SPTBN2: variants seen among roughly 807,000 people sequenced by gnomAD.
SPTBN2 encodes spectrin beta chain, non-erythrocytic 2.
A neutral mutation model predicts 284.2 loss-of-function variants in SPTBN2; 107 were observed. The observed-to-expected ratio is 0.38, with a 90% CI of 0.32 to 0.44. The LOEUF (loss-of-function observed/expected upper bound fraction) is 0.44. Among genes scored for constraint, SPTBN2 ranks in the 20% least tolerant of loss-of-function variants. The probability of loss-of-function intolerance (pLI) is 1.00; values close to 1 mark genes in which losing one functional copy is unlikely to be tolerated. For synonymous variants in SPTBN2, 1,289 were observed against 1,354.8 expected (o/e 0.95, Z 1.07); for missense variants, 2,569 against 3,287.1 (o/e 0.78, Z 5.34).
intron 3 of SPTBN2, among the ~76,000 whole-genome samples, chr11:66,716,717 A>T (rs1017144185): frequency 6.6e-5 from 10 of 152,202 alleles, no homozygotes; most frequent in African/African-American, 2.4e-4. Flanking sequence ...GATAAGGTAT[A>T]TAAAACAACT....
rs761578326 is a variant in SPTBN2 at position 66,704,727 on chromosome 11, G to T, written c.2549C>A (p.Ala850Glu). ...RAGERARALE[A>E]ALALYTMLSE... ...GAGCATGGTGTAGAGCGCCAGGGCT[G>T]CCTCCAAGGCCCGCGCTCGCTCGCC... Residue 850 changes from alanine (A) to glutamate (E), a missense_variant, in exon 15 of 38, where the codon GCA (alanine) becomes GAA (glutamate). By Grantham distance (107) the Ala-to-Glu change is moderately radical. This residue lies in a region of SPTBN2 where 1,012 missense variants were observed against 1,248.9 expected (regional missense o/e 0.81). Transcript: ENST00000533211. The T allele has an allele frequency of 1.2e-6, 2 of 1,604,572 alleles. No individual in the cohort carries two copies. Among genetic ancestry groups the T allele is most frequent in the Non-Finnish European group, 8.5e-7 (1 of 1,176,482 alleles).
At chr11:66,738,351 C>A (rs917886929) in intron 1 of SPTBN2, among the ~76,000 whole-genome samples, 1 of 152,156 alleles carries the variant, frequency 6.6e-6, no homozygotes, top group South Asian at 2.1e-4. Flanking sequence ...AAACATAACA[C>A]CTAAAGAAAG....
chr11:66,730,801 G>T (rs1590996666), upstream of SPTBN2, among the ~76,000 whole-genome samples: 1 of 152,134 alleles, frequency 6.6e-6, no homozygotes, highest in African/African-American at 2.4e-5. Context: ...AAGAAGCCTT[G>T]TAAGATAAAC....
chr11:66,705,604 G>C, intron 14 of SPTBN2, 80 bp downstream of exon 14: 1 of 1,603,478 alleles, frequency 6.2e-7, no homozygotes, highest in Non-Finnish European at 8.5e-7. Flanking sequence ...CCGTCCCCAG[G>C]TTTCCCAACC....
At chr11:66,711,686 G>C (rs1941874060) in intron 8 of SPTBN2, among the ~76,000 whole-genome samples, 1 of 152,168 alleles carries the variant, frequency 6.6e-6, no homozygotes, top group African/African-American at 2.4e-5. Flanking sequence ...TATCCTAAAG[G>C]TAAGACTATG....
intron 1 of SPTBN2, chr11:66,744,510 A>C: frequency 5.3e-6 from 1 of 187,834 alleles, no homozygotes. Context: ...GAGAGGAGGG[A>C]GGAGTCGTGG....
chr11:66,723,656 G>C (rs775220321), intron 1 of SPTBN2, among the ~76,000 whole-genome samples: 6 of 152,120 alleles, frequency 3.9e-5, no homozygotes, highest in Non-Finnish European at 8.8e-5. Context: ...AGAAGGAAAG[G>C]GAGCTTAATT....
rs1298987750 is a variant in SPTBN2, at chr11:66,708,395, T to A, written c.1192-96A>T. 7.8e-7 allele frequency: 1 copy of A among 1,275,976 alleles called. No individual in the cohort carries two copies. Among genetic ancestry groups the A allele is most frequent in the Non-Finnish European group, 1.1e-6 (1 of 943,448 alleles). 79.0% of individuals were successfully genotyped at this position (1,275,976 alleles called of 1,614,324 possible). A position where few individuals can be genotyped will look rare whatever the true frequency, so the allele number is the denominator to read the frequency against. On this transcript the variant is annotated intron_variant, in intron 11 of 37. Coordinates refer to ENST00000533211, the MANE Select transcript of SPTBN2 (RefSeq NM_006946.4). The surrounding 1 kb of genome is among the most constrained non-coding windows in gnomAD (Gnocchi z 4.4). ...TAAGTCCCATGGAAGCTCGGTCTGGTGGATCCGTGGAATGCAGTGGGTGAG... is the reference window on the plus strand; with the variant it reads ...TAAGTCCCATGGAAGCTCGGTCTGGAGGATCCGTGGAATGCAGTGGGTGAG...
intron 1 of SPTBN2, among the ~76,000 whole-genome samples, chr11:66,739,127 G>T (rs1461239498): frequency 6.6e-6 from 1 of 152,084 alleles, no homozygotes; most frequent in Non-Finnish European, 1.5e-5. Context: ...TTTTTTTAAA[G>T]ATGAGGTCTC....
chr11:66,741,614 G>A (rs1007423009), intron 1 of SPTBN2, among the ~76,000 whole-genome samples: 11 of 152,180 alleles, frequency 7.2e-5, no homozygotes, highest in African/African-American at 2.7e-4. Flanking sequence ...AGACCTGGAA[G>A]GCCAGGGCTG....
chr11:66,714,027 T>A, intron 7 of SPTBN2, 64 bp downstream of exon 7: 1 of 1,520,424 alleles, frequency 6.6e-7, no homozygotes, highest in Non-Finnish European at 9.1e-7. Flanking sequence ...TGTCTCCACA[T>A]GTGCACCCCA....
chr11:66,726,904 A>G (rs957911207), intron 1 of SPTBN2, among the ~76,000 whole-genome samples: 9 of 152,332 alleles, frequency 5.9e-5, no homozygotes, highest in Non-Finnish European at 1.2e-4. Flanking sequence ...CCAGGAAGGC[A>G]AGAGAAAGAT....
At chr11:66,720,960 G>C (rs1325259544) in intron 3 of SPTBN2, 124 bp downstream of exon 3, 7 of 1,314,632 alleles carry the variant, frequency 5.3e-6, no homozygotes, top group East Asian at 5.0e-5. Context: ...GGAATTGATA[G>C]AGTGCTCTGG....
At chr11:66,738,616 A>C (rs532386032) in intron 1 of SPTBN2, among the ~76,000 whole-genome samples, 1 of 152,100 alleles carries the variant, frequency 6.6e-6, no homozygotes, top group Non-Finnish European at 1.5e-5. Flanking sequence ...CTCGGGTTCA[A>C]GCAATTCTCC....
rs145128199 is a variant in SPTBN2, at chr11:66,701,870, T to A, written c.2679-149A>T. On this transcript the variant is annotated intron_variant, in intron 15 of 37. Coordinates refer to ENST00000533211, the MANE Select transcript of SPTBN2 (RefSeq NM_006946.4). ...TCTCTCTGCCTCTCAGCCTATGAGG[T>A]TCATAGTATCTGTGCATCAAGGAAG... 1,114 of 1,114,844 alleles carry A rather than the reference T, an allele frequency of 1.0e-3. 10 individuals are homozygous for A. In the African/African-American group the frequency reaches 0.016, roughly 16 times the overall value. The allele number at this position is 1,114,844 out of a possible 1,614,324, so 69.1% of individuals were successfully genotyped here.
At position 66,704,894 on chromosome 11, in the gene SPTBN2, C is replaced by T. The variant is rs368173749; in HGVS notation, c.2382G>A (p.Glu794=). 1.9e-4 allele frequency: 301 copies of T among 1,611,614 alleles called. No individual in the cohort carries two copies. Among genetic ancestry groups the T allele is most frequent in the Non-Finnish European group, 2.3e-4 (269 of 1,179,922 alleles). ...ALARQHRALE[E]EIRSHRPTLD... ...GGGTTGGCCGGTGGCTTCGAATCTC[C>T]TCCTCCAGGGCCCGATGCTGCCTGG... Residue 794 remains glutamate (E), a synonymous_variant, in exon 15 of 38, where the codon GAG becomes GAA. Coordinates refer to ENST00000533211, the MANE Select transcript of SPTBN2 (RefSeq NM_006946.4).
chr11:66,729,768 G>A (rs1942770201), upstream of SPTBN2, among the ~76,000 whole-genome samples: 1 of 152,100 alleles, frequency 6.6e-6, no homozygotes, highest in Non-Finnish European at 1.5e-5. Context: ...GCTCTCTGGT[G>A]TGTACCTCAC....
Position 66,700,793 on chromosome 11 carries a change from G to A in SPTBN2, c.3306C>T (p.Ala1102=), listed in dbSNP as rs1197963601. ...GCAGGGCTGCATGTTGGGCCAGGAG[G>A]GCCTCTGCCTCAGGCAGGGTGGCCG... ...EGPATLPEAE[A]LLAQHAALRG... is the part of the protein sequence containing the mutation. Residue 1102 remains alanine (A), a synonymous_variant, in exon 17 of 38, where the codon GCC becomes GCT. Coordinates refer to ENST00000533211, the MANE Select transcript of SPTBN2 (RefSeq NM_006946.4). This position sits in a 1 kb window ranked among gnomAD's most constrained non-coding sequence, Gnocchi z 6.6. 2 of 1,601,194 alleles carry A rather than the reference G, an allele frequency of 1.2e-6. No homozygotes were observed. Among genetic ancestry groups the A allele is most frequent in the African/African-American group, 1.3e-5 (1 of 74,922 alleles).
chr11:66,714,118 G>C lies in SPTBN2; in HGVS notation c.629C>G (p.Ala210Gly). Residue 210 changes from alanine (A) to glycine (G), a missense_variant, in exon 7 of 38, where the codon GCT (alanine) becomes GGT (glycine). By Grantham distance (60) the Ala-to-Gly change is moderately conservative. Coordinates refer to ENST00000533211, the MANE Select transcript of SPTBN2 (RefSeq NM_006946.4). ...GTGTTTATGCACGATGGCGTTGAAA[G>C]CTAGTCCATCTCTCCAGCTGGTGGT... ...NFTTSWRDGL[A>G]FNAIVHKHRP... is the part of the protein sequence containing the mutation. The C allele has an allele frequency of 2.5e-6, 4 of 1,614,236 alleles. No individual in the cohort carries two copies. The highest frequency in any genetic ancestry group is 3.4e-6 in the Non-Finnish European group (4 of 1,180,042).
Sources: allele counts gnomAD v4.1 joint callset (sites outside exome capture counted in the v4.1 genomes callset), GRCh38; gene constraint gnomAD v4.1.1; regional missense constraint gnomAD v4.1.1; non-coding constraint Gnocchi (gnomAD v3.1); transcripts MANE v1.5; gene names NCBI Gene and HGNC (gene_info 2026-07-23, HGNC 2026-07-21).